The following SSH2 variants were observed in gnomAD, a reference collection of about 807,000 sequenced individuals.
The protein encoded by SSH2 is slingshot protein phosphatase 2.
A neutral mutation model predicts 135.2 loss-of-function variants in SSH2; 37 were observed. That is an observed-to-expected ratio of 0.27 (90% confidence interval 0.21 to 0.36). The LOEUF (loss-of-function observed/expected upper bound fraction) is 0.36. Among genes scored for constraint, SSH2 ranks in the 10% least tolerant of loss-of-function variants. The probability of loss-of-function intolerance (pLI) is 1.00; values close to 1 mark genes in which losing one functional copy is unlikely to be tolerated. For synonymous variants in SSH2, 628 were observed against 646.2 expected, an observed-to-expected ratio of 0.97 and a Z score of 0.43; for missense variants, 1,408 against 1,765.3, an observed-to-expected ratio of 0.80 and a Z score of 3.63.
intron 1 of SSH2, among the ~76,000 whole-genome samples, chr17:29,876,669 CAGA>C (rs2066037217): frequency 6.6e-6 from 1 of 151,866 alleles, no homozygotes; most frequent in African/African-American, 2.4e-5. Context: ...TATCCATATG[CAGA>C]AGAATAAAAC....
chr17:29,635,529 C>T (rs1195478189), intron 15 of SSH2, among the ~76,000 whole-genome samples: 2 of 142,008 alleles, frequency 1.4e-5, no homozygotes, highest in East Asian at 2.0e-4. Context: ...CTCAGCCTCC[C>T]GAGTAGCTGG....
intron 2 of SSH2, among the ~76,000 whole-genome samples, chr17:29,840,492 G>A (rs903061167): frequency 2.6e-5 from 4 of 152,202 alleles, no homozygotes; most frequent in Non-Finnish European, 5.9e-5. Context: ...AGATGTCTAA[G>A]AGAATATTTT....
At chr17:29,843,034 G>A (rs1039263618) in intron 2 of SSH2, among the ~76,000 whole-genome samples, 1 of 152,098 alleles carries the variant, frequency 6.6e-6, no homozygotes, top group African/African-American at 2.4e-5. Flanking sequence ...AAATGAGTCT[G>A]AAAAAATAAA....
At chr17:29,911,788 A>G (rs1279509873) in intron 1 of SSH2, among the ~76,000 whole-genome samples, 1 of 152,230 alleles carries the variant, frequency 6.6e-6, no homozygotes, top group Non-Finnish European at 1.5e-5. Context: ...TCAGTAGTAG[A>G]GTAATGAAAT....
At chr17:29,741,822 G>A (rs148867839) in intron 3 of SSH2, among the ~76,000 whole-genome samples, 4 of 151,822 alleles carry the variant, frequency 2.6e-5, no homozygotes, top group Non-Finnish European at 4.4e-5. Flanking sequence ...CACCATGTTG[G>A]CCAGGCTGGT....
Position 29,636,487 on chromosome 17 carries a change from G to C in SSH2, c.1743C>G (p.Cys581Trp). ...ATTCATTCAGACAACACCCTGATGA[G>C]CATCCATTGATGTCATTTAAGTTTA... ...DELNLNDING[C>W]SSGCCLNESK... The change falls in exon 15 of 16, where the codon TGC (cysteine) becomes TGG (tryptophan). Residue 581 changes from cysteine (C) to tryptophan (W), a missense_variant. Physicochemically the swap from Cys to Trp is radical, Grantham distance 215. Around this residue, in one of 3 missense-constraint regions of SSH2, gnomAD observed 1,080 missense variants for 1,144.5 expected, o/e 0.94. Coordinates refer to ENST00000540801, the MANE Select transcript of SSH2 (RefSeq NM_001282129.2). 1 of 1,614,224 alleles carries C rather than the reference G, an allele frequency of 6.2e-7. No individual in the cohort carries two copies. The highest frequency in any genetic ancestry group is 8.5e-7 in the Non-Finnish European group (1 of 1,180,036).
intron 14 of SSH2, among the ~76,000 whole-genome samples, chr17:29,640,086 T>G (rs1377560798): frequency 1.3e-5 from 2 of 150,610 alleles, no homozygotes; most frequent in East Asian, 1.9e-4. Context: ...TTTTTTTTGT[T>G]TTTTTTTTTT....
chr17:29,913,370 A>ATG (rs2066820639), intron 1 of SSH2, among the ~76,000 whole-genome samples: 1 of 100,168 alleles, frequency 1.0e-5, no homozygotes, highest in Non-Finnish European at 2.0e-5. Flanking sequence ...ATATATATAT[A>ATG]TATATATATA....
chr17:29,688,968 A>G (rs1034169502), intron 5 of SSH2, among the ~76,000 whole-genome samples: 10 of 152,198 alleles, frequency 6.6e-5, no homozygotes, highest in African/African-American at 2.4e-4. Flanking sequence ...TCAGCTGGCC[A>G]ACAGGGCAAA....
At chr17:29,718,257 A>G (rs1268085613) in intron 3 of SSH2, among the ~76,000 whole-genome samples, 1 of 151,958 alleles carries the variant, frequency 6.6e-6, no homozygotes, top group East Asian at 1.9e-4. Context: ...TCTTTTGTCA[A>G]CTTCTTAAAT....
At position 29,692,176 on chromosome 17, in the gene SSH2, A is replaced by C. The variant is rs985125838; in HGVS notation, c.357+3283T>G. Among the ~76,000 whole-genome samples, 12 of 152,040 alleles carry C rather than the reference A, an allele frequency of 7.9e-5. 1 individual carries two copies. In the South Asian group the frequency reaches 2.1e-3, roughly 26 times the overall value. On this transcript the variant is annotated intron_variant, in intron 5 of 15. Transcript: ENST00000540801. ...TAAATAAATAAAAAATAAAAAAAAA[A>C]AAACAAGACTTTCAGTTGACTATCA...
intron 6 of SSH2, 55 bp downstream of exon 6, chr17:29,684,508 C>G: frequency 8.9e-7 from 1 of 1,125,964 alleles, no homozygotes. Context: ...AAAAAAGCAA[C>G]TGGAACAGGT....
At chr17:29,703,309 C>T (rs145199786) in intron 3 of SSH2, among the ~76,000 whole-genome samples, 209 of 149,902 alleles carry the variant, frequency 1.4e-3, no homozygotes, top group African/African-American at 4.8e-3. Flanking sequence ...AGTGCAGTGG[C>T]GTGATCTTGG....
chr17:29,888,201 G>C (rs909690757), intron 1 of SSH2, among the ~76,000 whole-genome samples: 3 of 152,116 alleles, frequency 2.0e-5, no homozygotes, highest in Non-Finnish European at 4.4e-5. Flanking sequence ...TCATGCCACT[G>C]CATTCCAGCC....
intron 2 of SSH2, among the ~76,000 whole-genome samples, chr17:29,816,345 T>C (rs1288606908): frequency 6.6e-6 from 1 of 152,176 alleles, no homozygotes; most frequent in Non-Finnish European, 1.5e-5. Flanking sequence ...AGGCTTAAAA[T>C]AAACCATAAA....
chr17:29,905,417 C>T (rs752768517), intron 1 of SSH2, among the ~76,000 whole-genome samples: 19 of 152,192 alleles, frequency 1.2e-4, no homozygotes, highest in Non-Finnish European at 2.1e-4. Flanking sequence ...GCTGGGGCTG[C>T]ATGCTCCAAG....
At chr17:29,835,286 CAGA>C (rs1253844656) in intron 2 of SSH2, among the ~76,000 whole-genome samples, 1 of 152,180 alleles carries the variant, frequency 6.6e-6, no homozygotes. Context: ...AAGGGCATTT[CAGA>C]AGAACTCTGT....
At chr17:29,810,562 T>C (rs1409109271) in intron 2 of SSH2, among the ~76,000 whole-genome samples, 1 of 152,224 alleles carries the variant, frequency 6.6e-6, no homozygotes, top group Non-Finnish European at 1.5e-5. Flanking sequence ...TCTCCCCAAA[T>C]AGTTAATTGT....
chr17:29,859,439 C>A (rs2065721999), intron 1 of SSH2, among the ~76,000 whole-genome samples: 1 of 152,150 alleles, frequency 6.6e-6, no homozygotes, highest in Non-Finnish European at 1.5e-5. Flanking sequence ...CTGATCCCCT[C>A]CTTCTTTGCA....
Sources: allele counts gnomAD v4.1 joint callset (sites outside exome capture counted in the v4.1 genomes callset), GRCh38; gene constraint gnomAD v4.1.1; regional missense constraint gnomAD v4.1.1; transcripts MANE v1.5; gene names NCBI Gene and HGNC (gene_info 2026-07-23, HGNC 2026-07-21).